LRRIQ3: variants seen among roughly 807,000 people sequenced by gnomAD.
The protein encoded by LRRIQ3 is leucine rich repeats and IQ motif containing 3, also known as leucine-rich repeat and IQ domain-containing protein 3.
LRRIQ3 carries 75 observed loss-of-function variants against 59.3 expected under a neutral mutation model. The observed-to-expected ratio is 1.26, with a 90% CI of 1.05 to 1.53. The LOEUF is 1.53. LRRIQ3 is among the 40% of genes most tolerant of loss of function. LRRIQ3 has a pLI of 0.00. For missense variants in LRRIQ3, 831 were observed against 710.0 expected (o/e 1.17, Z -1.94); for synonymous variants, 250 against 231.3 (o/e 1.08, Z -0.73).
chr1:74,123,285 C>T (rs1362540788), intron 4 of LRRIQ3, among the ~76,000 whole-genome samples: 1 of 151,900 alleles, frequency 6.6e-6, no homozygotes, highest in Non-Finnish European at 1.5e-5. Context: ...AGCATTTATC[C>T]TTTCTTTGTT....
intron 6 of LRRIQ3, among the ~76,000 whole-genome samples, chr1:74,074,354 A>C (rs1314679752): frequency 2.0e-5 from 3 of 152,180 alleles, no homozygotes; most frequent in African/African-American, 4.8e-5. Context: ...CAAAGCATGT[A>C]ACCAACACAC....
intron 5 of LRRIQ3, among the ~76,000 whole-genome samples, chr1:74,076,443 A>AAT (rs913177034): frequency 6.6e-6 from 1 of 152,084 alleles, no homozygotes; most frequent in Non-Finnish European, 1.5e-5. Context: ...TTTTCCTCCA[A>AAT]ATATATTAGT....
At chr1:74,124,157 T>G (rs1416486384) in intron 4 of LRRIQ3, among the ~76,000 whole-genome samples, 1 of 152,028 alleles carries the variant, frequency 6.6e-6, no homozygotes, top group African/African-American at 2.4e-5. Flanking sequence ...TCCATGTATA[T>G]GTCTTCTTTT....
At chr1:74,115,715 A>G (rs559815623) in intron 4 of LRRIQ3, among the ~76,000 whole-genome samples, 147 of 152,212 alleles carry the variant, frequency 9.7e-4, no homozygotes, top group African/African-American at 3.4e-3. Context: ...TTTTCCAAGA[A>G]TAAAGGCTAA....
intron 3 of LRRIQ3, among the ~76,000 whole-genome samples, chr1:74,167,183 T>A (rs1362009226): frequency 6.6e-6 from 1 of 151,844 alleles, no homozygotes; most frequent in African/African-American, 2.4e-5. Context: ...CAATTTGGAA[T>A]TGCAAAAATA....
At chr1:74,191,018 A>T (rs1054450481) in intron 1 of LRRIQ3, among the ~76,000 whole-genome samples, 2 of 152,146 alleles carry the variant, frequency 1.3e-5, no homozygotes, top group African/African-American at 2.4e-5. Flanking sequence ...AGCCACATGG[A>T]ACTGTGAGTC....
At chr1:74,184,155 A>G (rs1650201470) in intron 1 of LRRIQ3, among the ~76,000 whole-genome samples, 1 of 152,070 alleles carries the variant, frequency 6.6e-6, no homozygotes, top group African/African-American at 2.4e-5. Flanking sequence ...CAGATAAAAT[A>G]AAGGTGCTAT....
chr1:74,149,857 C>A (rs1647813060), intron 4 of LRRIQ3, among the ~76,000 whole-genome samples: 1 of 152,150 alleles, frequency 6.6e-6, no homozygotes, highest in Non-Finnish European at 1.5e-5. Flanking sequence ...GCAAAAACTG[C>A]CACTCAATTC....
At chr1:74,118,509 G>A (rs1206163517) in intron 4 of LRRIQ3, among the ~76,000 whole-genome samples, 1 of 151,936 alleles carries the variant, frequency 6.6e-6, no homozygotes. Flanking sequence ...CCAGAAATAA[G>A]ACAGTATCTC....
chr1:74,140,550 C>A (rs933411191), intron 4 of LRRIQ3, among the ~76,000 whole-genome samples: 1 of 151,818 alleles, frequency 6.6e-6, no homozygotes, highest in Admixed American at 6.6e-5. Context: ...AATAGTTGAA[C>A]ACCACCTAAC....
At chr1:74,136,252 T>C (rs1162148035) in intron 4 of LRRIQ3, among the ~76,000 whole-genome samples, 1 of 151,984 alleles carries the variant, frequency 6.6e-6, no homozygotes, top group African/African-American at 2.4e-5. Flanking sequence ...AATGTTCCCA[T>C]AGATAAAATC....
intron 5 of LRRIQ3, chr1:74,082,684 T>C (rs984920335): frequency 6.6e-6 from 1 of 151,546 alleles, no homozygotes; most frequent in Non-Finnish European, 1.5e-5. Context: ...GTTTTAAGTT[T>C]GAGTTTGAAT....
At chr1:74,083,863 A>G (rs1646298538) in intron 5 of LRRIQ3, 1 of 242,272 alleles carries the variant, frequency 4.1e-6, no homozygotes, top group Non-Finnish European at 7.9e-6. Flanking sequence ...ACAGCTTAAA[A>G]GTTTTTGCAT....
At chr1:74,101,718 A>C (rs1646535594) in intron 5 of LRRIQ3, among the ~76,000 whole-genome samples, 2 of 152,204 alleles carry the variant, frequency 1.3e-5, no homozygotes, top group Non-Finnish European at 2.9e-5. Context: ...ACCATGGAAT[A>C]CTATGCAGCC....
intron 4 of LRRIQ3, among the ~76,000 whole-genome samples, chr1:74,113,064 A>G (rs1335764105): frequency 6.6e-6 from 1 of 152,100 alleles, no homozygotes; most frequent in Non-Finnish European, 1.5e-5. Flanking sequence ...AAGTAAATAC[A>G]CTTAAAAGAA....
At chr1:74,121,581 T>C (rs1646856696) in intron 4 of LRRIQ3, among the ~76,000 whole-genome samples, 1 of 152,166 alleles carries the variant, frequency 6.6e-6, no homozygotes, top group Non-Finnish European at 1.5e-5. Flanking sequence ...TTCTCATTAC[T>C]TTTCTGTTTT....
chr1:74,140,459 T>C (rs1175743449), intron 4 of LRRIQ3, among the ~76,000 whole-genome samples: 1 of 151,526 alleles, frequency 6.6e-6, no homozygotes, highest in Non-Finnish European at 1.5e-5. Context: ...TAATAATACA[T>C]CTACAATCAC....
At chr1:74,080,264 G>A (rs975501953) in intron 5 of LRRIQ3, among the ~76,000 whole-genome samples, 2 of 151,612 alleles carry the variant, frequency 1.3e-5, no homozygotes, top group South Asian at 4.1e-4. Flanking sequence ...AGAAGTGGGG[G>A]AGACATAGTA....
At chr1:74,113,501 C>T (rs571542624) in intron 4 of LRRIQ3, among the ~76,000 whole-genome samples, 9 of 152,014 alleles carry the variant, frequency 5.9e-5, no homozygotes, top group Non-Finnish European at 1.2e-4. Context: ...CAGAAAATCT[C>T]GAAAATGTCT....
Sources: gnomAD v4.1 joint callset for allele counts (sites outside exome capture counted in the v4.1 genomes callset) on GRCh38, gnomAD v4.1.1 for gene constraint, MANE v1.5 for transcripts, NCBI Gene and HGNC (gene_info 2026-07-23, HGNC 2026-07-21) for gene names.